DCT: variants seen among roughly 807,000 people sequenced by gnomAD.
DCT encodes dopachrome tautomerase.
In DCT, 47 loss-of-function variants were observed where a neutral mutation model predicts 53.0. The ratio of observed to expected loss-of-function variants is 0.89; its 90% CI spans 0.70 to 1.13. DCT has a LOEUF of 1.13. DCT is among the 50% of genes most tolerant of loss of function. The pLI is 0.00. For synonymous variants in DCT, 244 were observed against 237.0 expected, an observed-to-expected ratio of 1.03 and a Z score of -0.27; for missense variants, 669 against 637.4, an observed-to-expected ratio of 1.05 and a Z score of -0.53.
chr13:94,526,142 A>G, the DCT span, among the ~76,000 whole-genome samples: 3 of 152,224 alleles, frequency 2.0e-5, no homozygotes, highest in Non-Finnish European at 2.9e-5. Context: ...CTGGGTCCCA[A>G]CTATGGGTAC....
At chr13:94,488,741 C>T in the DCT span, among the ~76,000 whole-genome samples, 160 of 121,020 alleles carry the variant, frequency 1.3e-3, no homozygotes, top group African/African-American at 4.3e-3. Flanking sequence ...CACACACACA[C>T]ACACACACAC....
the DCT span, among the ~76,000 whole-genome samples, chr13:94,535,335 C>T: frequency 2.6e-5 from 4 of 152,236 alleles, no homozygotes. Flanking sequence ...TGCAAAGGAA[C>T]GTTTGGCCTT....
chr13:94,533,135 A>G, the DCT span, among the ~76,000 whole-genome samples: 5 of 151,726 alleles, frequency 3.3e-5, no homozygotes, highest in Non-Finnish European at 7.4e-5. Context: ...AAGTAACCAG[A>G]TGGAGAAAAA....
chr13:94,438,732 C>A lies in DCT; in HGVS notation c.*1166G>T. On this transcript the variant is annotated 3_prime_UTR_variant, in exon 8 of 8. Transcript: ENST00000377028. ...TAAAGATTGTCTCATTCTTATTCCT[C>A]ATGATCTGATGATTGCATAGCAGAA... 2.2e-6 allele frequency: 1 copy of A among 448,194 alleles called. No individual in the cohort carries two copies. The highest frequency in any genetic ancestry group is 1.6e-5 in the South Asian group (1 of 62,532). 27.8% of individuals were successfully genotyped at this position (448,194 alleles called of 1,614,324 possible).
intron 1 of DCT, among the ~76,000 whole-genome samples, chr13:94,476,469 CTTTTT>C (rs57154236): frequency 1.8e-5 from 2 of 111,054 alleles, no homozygotes; most frequent in African/African-American, 6.9e-5. Context: ...TTGGCACTTT[CTTTTT>C]TTTTTTTTTT....
chr13:94,511,853 T>C, the DCT span, among the ~76,000 whole-genome samples: 1 of 151,534 alleles, frequency 6.6e-6, no homozygotes, highest in African/African-American at 2.4e-5. Flanking sequence ...TGTGTGTGTG[T>C]GTGTGTGTGT....
intron 7 of DCT, among the ~76,000 whole-genome samples, chr13:94,441,082 T>C (rs570757350): frequency 6.6e-5 from 10 of 152,218 alleles, no homozygotes; most frequent in Non-Finnish European, 1.3e-4. Flanking sequence ...GAATTTGTTC[T>C]ATACCTTACA....
chr13:94,483,737 G>A (rs1390936645), upstream of DCT, among the ~76,000 whole-genome samples: 2 of 152,028 alleles, frequency 1.3e-5, no homozygotes, highest in Non-Finnish European at 2.9e-5. Context: ...CCTGACCTCA[G>A]GTGATCCTCC....
intron 6 of DCT, among the ~76,000 whole-genome samples, chr13:94,452,048 T>C (rs536322279): frequency 1.7e-4 from 26 of 152,236 alleles, no homozygotes; most frequent in African/African-American, 6.3e-4. Flanking sequence ...ACTTTTTTTT[T>C]TGAGACAGAG....
At chr13:94,487,920 G>A in the DCT span, among the ~76,000 whole-genome samples, 1 of 151,628 alleles carries the variant, frequency 6.6e-6, no homozygotes, top group Non-Finnish European at 1.5e-5. Context: ...AGGAATTAAG[G>A]GTTAGAAATG....
At chr13:94,450,636 G>T (rs1009645223) in intron 6 of DCT, among the ~76,000 whole-genome samples, 4 of 152,102 alleles carry the variant, frequency 2.6e-5, no homozygotes, top group African/African-American at 7.2e-5. Flanking sequence ...AGGAAAAAAA[G>T]CTTCTTCTTC....
At chr13:94,543,000 C>A in the DCT span, among the ~76,000 whole-genome samples, 1 of 152,152 alleles carries the variant, frequency 6.6e-6, no homozygotes, top group African/African-American at 2.4e-5. Context: ...GGAAAAAATT[C>A]TTTGACATAG....
chr13:94,476,404 A>AAAGTCCTC (rs1427895392), intron 1 of DCT, among the ~76,000 whole-genome samples: 1 of 151,592 alleles, frequency 6.6e-6, no homozygotes, highest in African/African-American at 2.4e-5. Flanking sequence ...GTGACTTCCT[A>AAAGTCCTC]AAGTCCTCTG....
chr13:94,468,320 C>G (rs1378216285), intron 2 of DCT: 1 of 179,056 alleles, frequency 5.6e-6, no homozygotes, highest in African/African-American at 2.4e-5. Flanking sequence ...CACTCTAATT[C>G]CGCACAAAGA....
the DCT span, among the ~76,000 whole-genome samples, chr13:94,528,186 G>A: frequency 6.6e-6 from 1 of 152,178 alleles, no homozygotes; most frequent in Non-Finnish European, 1.5e-5. Context: ...AAGTGACGGG[G>A]AGAATGGAAC....
the DCT span, among the ~76,000 whole-genome samples, chr13:94,487,406 A>C: frequency 2.0e-5 from 3 of 152,256 alleles, no homozygotes; most frequent in Non-Finnish European, 2.9e-5. Context: ...CAACTTGCAC[A>C]TAAGAAGGAC....
At chr13:94,488,172 C>A in the DCT span, among the ~76,000 whole-genome samples, 1 of 151,650 alleles carries the variant, frequency 6.6e-6, no homozygotes, top group Non-Finnish European at 1.5e-5. Context: ...TTTATGTGTA[C>A]CCTTATAATT....
At chr13:94,511,700 T>C in the DCT span, among the ~76,000 whole-genome samples, 2 of 152,012 alleles carry the variant, frequency 1.3e-5, no homozygotes, top group African/African-American at 2.4e-5. Flanking sequence ...TTGCTCTCCA[T>C]GAAAACTTCC....
intron 6 of DCT, among the ~76,000 whole-genome samples, chr13:94,449,291 A>G (rs930096914): frequency 2.6e-5 from 4 of 152,244 alleles, no homozygotes; most frequent in Admixed American, 1.3e-4. Flanking sequence ...TAAAGTTACT[A>G]TCAAAGGGCC....
Sources: gnomAD v4.1 joint callset for allele counts (sites outside exome capture counted in the v4.1 genomes callset) on GRCh38, gnomAD v4.1.1 for gene constraint, MANE v1.5 for transcripts, NCBI Gene and HGNC (gene_info 2026-07-23, HGNC 2026-07-21) for gene names.